Variants in PPP1R12C observed in about 807,000 individuals in gnomAD.
The protein encoded by PPP1R12C is leukocyte receptor cluster (LRC) encoded novel gene 3.
Under a neutral mutation model 95.6 loss-of-function variants are expected in PPP1R12C, and 48 were observed. That is an observed-to-expected ratio of 0.50 (90% CI 0.40 to 0.64). The LOEUF is 0.64. Among genes scored for constraint, PPP1R12C ranks in the 30% least tolerant of loss-of-function variants. The pLI, the probability that PPP1R12C is intolerant of heterozygous loss-of-function variation, is 0.00. For missense variants in PPP1R12C, 1,057 were observed against 1,083.3 expected, an observed-to-expected ratio of 0.98 and a Z score of 0.34; for synonymous variants, 480 against 460.8, an observed-to-expected ratio of 1.04 and a Z score of -0.53.
intron 3 of PPP1R12C, among the ~76,000 whole-genome samples, chr19:55,103,811 C>G (rs1207524972): frequency 1.3e-5 from 2 of 151,912 alleles, no homozygotes; most frequent in Non-Finnish European, 2.9e-5. Context: ...GATCACAGGC[C>G]TTTCCCCATT....
intron 15 of PPP1R12C, 48 bp from the exon 16 acceptor site, chr19:55,092,916 CGGTGCCTG>C (rs753023382): frequency 6.3e-7 from 1 of 1,594,334 alleles, no homozygotes; most frequent in South Asian, 1.1e-5. Context: ...AGCCCCCTCT[CGGTGCCTG>C]GGTCCCCGGG....
At chr19:55,098,686 G>A in intron 6 of PPP1R12C, 98 bp downstream of exon 6, 2 of 1,432,776 alleles carry the variant, frequency 1.4e-6, no homozygotes, top group Non-Finnish European at 1.9e-6. Flanking sequence ...TGGGGTGGTG[G>A]GTGTCAGAAG....
intron 6 of PPP1R12C, chr19:55,096,710 C>T: frequency 2.6e-6 from 1 of 387,346 alleles, no homozygotes; most frequent in Non-Finnish European, 4.9e-6. Context: ...CCGGCACTCG[C>T]CTCCTCCTTC....
At chr19:55,106,817 G>A (rs987375370) in intron 3 of PPP1R12C, among the ~76,000 whole-genome samples, 3 of 152,200 alleles carry the variant, frequency 2.0e-5, no homozygotes, top group Non-Finnish European at 4.4e-5. Flanking sequence ...GCTCCAGGGT[G>A]CGCACATCAC....
At position 55,117,582 on chromosome 19, in the gene PPP1R12C, G is replaced by A. The variant is rs1431554157; in HGVS notation, c.-39C>T. 1.0e-5 allele frequency: 10 copies of A among 983,682 alleles called. No homozygotes were observed. The South Asian group carries it at 2.7e-4, about 27-fold the overall frequency. The allele number at this position is 983,682 out of a possible 1,614,324, so 60.9% of individuals were successfully genotyped here. A position where few individuals can be genotyped will look rare whatever the true frequency, so the allele number is the denominator to read the frequency against. ...CGCCCAGCGAGCGAGCGAGCGCCGAGCCCCAACCGCCGCCACCACCCGCCC... is the reference window on the plus strand; with the variant it reads ...CGCCCAGCGAGCGAGCGAGCGCCGAACCCCAACCGCCGCCACCACCCGCCC... On this transcript the variant is annotated 5_prime_UTR_variant, in exon 1 of 22. Coordinates refer to ENST00000263433, the MANE Select transcript of PPP1R12C (RefSeq NM_017607.4).
chr19:55,091,984 G>T, intron 19 of PPP1R12C, 75 bp from the exon 20 acceptor site: 2 of 1,563,184 alleles, frequency 1.3e-6, no homozygotes, highest in African/African-American at 1.4e-5. Flanking sequence ...GGCTCCTGCT[G>T]GGCACCCGCC....
In PPP1R12C at chr19:55,092,296, G is replaced by T. The variant is rs1306036735; in HGVS notation, c.2086C>A (p.Arg696=). ...GTCTCGGTCAGGGCCTCGCGAAGCC[G>T]CTCGTTCTCCCTGCGCAGCTCTGCA... The part of the protein sequence containing the change: ...LYAELRRENE[R]LREALTETTL... Residue 696 remains arginine (R), a synonymous_variant, in exon 19 of 22, where the codon CGG becomes AGG. Transcript: ENST00000263433. The T allele has an allele frequency of 6.2e-7, 1 of 1,600,802 alleles. No individual in the cohort carries two copies. Among genetic ancestry groups the T allele is most frequent in the East Asian group, 2.3e-5 (1 of 44,372 alleles).
rs1191466337 is a variant in PPP1R12C, at chr19:55,092,676, G to A, written c.1912-14C>T. 2 of 1,529,404 alleles carry A rather than the reference G, an allele frequency of 1.3e-6. No individual in the cohort carries two copies. Among genetic ancestry groups the A allele is most frequent in the African/African-American group, 1.4e-5 (1 of 73,072 alleles). 94.7% of individuals were successfully genotyped at this position (1,529,404 alleles called of 1,614,324 possible). A position where few individuals can be genotyped will look rare whatever the true frequency, so the allele number is the denominator to read the frequency against. ...CGCCTCCTCCCCCTGTGGGCAGGTA[G>A]ACGGGGGTTCAATGGGTATGGGAGG... On this transcript the variant is annotated splice_polypyrimidine_tract_variant and intron_variant, in intron 16 of 21. Coordinates refer to ENST00000263433, the MANE Select transcript of PPP1R12C (RefSeq NM_017607.4).
chr19:55,091,419 T>C lies in PPP1R12C; in HGVS notation c.*53A>G. The C allele has an allele frequency of 6.6e-7, 1 of 1,515,134 alleles. No homozygotes were observed. The highest frequency in any genetic ancestry group is 1.4e-5 in the African/African-American group (1 of 72,668). 93.9% of individuals were successfully genotyped at this position (1,515,134 alleles called of 1,614,324 possible). ...ACTCGTGTTCACACGGGGGAAGGGGTGCGTGTGGCAGAAGCAGCTGTATAA... is the reference window on the plus strand; with the variant it reads ...ACTCGTGTTCACACGGGGGAAGGGGCGCGTGTGGCAGAAGCAGCTGTATAA... On this transcript the variant is annotated 3_prime_UTR_variant, in exon 22 of 22. Coordinates refer to ENST00000263433, the MANE Select transcript of PPP1R12C (RefSeq NM_017607.4).
In PPP1R12C at chr19:55,095,617, G is replaced by A. The variant is rs73935105; in HGVS notation, c.1228-14C>T. ...CTCTTCAAGCTGCTGGGAGAAGGAG[G>A]AGGTCTCAGTTAGAGAGAAAGGATC... On this transcript the variant is annotated splice_polypyrimidine_tract_variant and intron_variant, in intron 9 of 21. Coordinates refer to ENST00000263433, the MANE Select transcript of PPP1R12C (RefSeq NM_017607.4). 1,607 of 1,545,408 alleles carry A rather than the reference G, an allele frequency of 1.0e-3. 13 individuals are homozygous for A. In the African/African-American group the frequency reaches 0.019, roughly 19 times the overall value.
rs76507214 is a variant in PPP1R12C, at chr19:55,092,800, A to C, written c.1894T>G (p.Trp632Gly). The C allele has an allele frequency of 2.6e-6, 4 of 1,548,296 alleles. No homozygotes were observed. Among genetic ancestry groups the C allele is most frequent in the Non-Finnish European group, 8.7e-7 (1 of 1,148,476 alleles). The change falls in exon 16 of 22, where the codon TGG (tryptophan) becomes GGG (glycine). Residue 632 changes from tryptophan (W) to glycine (G), a missense_variant. Trp to Gly is a radical substitution (Grantham distance 184). This residue lies in a region of PPP1R12C where 347 missense variants were observed against 307.9 expected (regional missense o/e 1.13). Transcript: ENST00000263433. ...CCCCTCACCTCCGCAGGCCCCCTCC[A>C]CTCCTTTCCGACCTTGCGGTGCTCC... The part of the protein sequence containing the change: ...AREHRKVGKE[W>G]RGPAEGEEAE...
In PPP1R12C at chr19:55,096,267, G is replaced by A; in HGVS notation, c.1020C>T (p.His340=). Residue 340 remains histidine (H), a synonymous_variant, in exon 7 of 22, where the codon CAC becomes CAT. Coordinates refer to ENST00000263433, the MANE Select transcript of PPP1R12C (RefSeq NM_017607.4). ...GGACTCCTCCCTCCCTATACCTTCT[G>A]TGTTTGCTGCTAGAGGGCGCTTGGG... ...QEPQAPSSSK[H]RRSSVCRLSS... 1 of 1,613,914 alleles carries A rather than the reference G, an allele frequency of 6.2e-7. No individual in the cohort carries two copies. The highest frequency in any genetic ancestry group is 1.1e-5 in the South Asian group (1 of 91,088).
chr19:55,096,125 G>C lies in PPP1R12C; in HGVS notation c.1079C>G (p.Ser360Cys). The C allele has an allele frequency of 6.3e-7, 1 of 1,599,108 alleles. No homozygotes were observed. Among genetic ancestry groups the C allele is most frequent in the Non-Finnish European group, 8.5e-7 (1 of 1,173,988 alleles). The part of the protein sequence containing the change: ...SREKISLQDL[S>C]KERRPGGAGG... ...AGCCCCACCAGGCCGGCGCTCCTTGGACAAGTCCTGGAGGGAAATCTTCTC... is the reference window on the plus strand; with the variant it reads ...AGCCCCACCAGGCCGGCGCTCCTTGCACAAGTCCTGGAGGGAAATCTTCTC... The change falls in exon 8 of 22, where the codon TCC becomes TGC. Residue 360 changes from serine to cysteine, a missense_variant. This residue lies in a region of PPP1R12C where 356 missense variants were observed against 330.5 expected (regional missense o/e 1.08). Transcript: ENST00000263433.
intron 6 of PPP1R12C, among the ~76,000 whole-genome samples, 190 bp downstream of exon 6, chr19:55,098,594 C>T (rs1483577169): frequency 2.6e-5 from 4 of 152,252 alleles, no homozygotes; most frequent in Non-Finnish European, 4.4e-5. Context: ...CTCTGCAGCC[C>T]CATCTCTGTC....
At chr19:55,111,404 T>C (rs1199690049) in intron 3 of PPP1R12C, 7 of 152,170 alleles carry the variant, frequency 4.6e-5, no homozygotes, top group African/African-American at 1.7e-4. Context: ...CACATGCTAT[T>C]GCTTCAACTT....
intron 1 of PPP1R12C, chr19:55,113,882 T>A (rs1162822434): frequency 1.2e-5 from 2 of 169,862 alleles, no homozygotes; most frequent in Non-Finnish European, 2.5e-5. Flanking sequence ...AGTACAGGCA[T>A]CCCTGTGAAA....
chr19:55,098,525 G>C (rs2084947036), intron 6 of PPP1R12C, among the ~76,000 whole-genome samples: 1 of 152,238 alleles, frequency 6.6e-6, no homozygotes, highest in African/African-American at 2.4e-5. Flanking sequence ...ACCTCATCAG[G>C]GTGTCAGACA....
chr19:55,112,128 C>T (rs993346152), intron 3 of PPP1R12C: 3 of 229,792 alleles, frequency 1.3e-5, no homozygotes, highest in South Asian at 2.3e-4. Context: ...GAAAGACCTG[C>T]GGCAGGGTTC....
chr19:55,096,070 C>A lies in PPP1R12C; in HGVS notation c.1134G>T (p.Glu378Asp), dbSNP rs1469048916. The change falls in exon 8 of 22, where the codon GAG becomes GAT. Residue 378 changes from glutamate to aspartate, a missense_variant. Glu to Asp is a conservative substitution (Grantham distance 45). Transcript: ENST00000263433. ...AGGPPIQDED[E>D]GEEGPTEPPP... ...CCTCACCGGTGGGACCTTCTTCCCC[C>A]TCATCCTCGTCCTGGATGGGGGGCC... 6.2e-7 allele frequency: 1 copy of A among 1,609,876 alleles called. No individual in the cohort carries two copies. Among genetic ancestry groups the A allele is most frequent in the East Asian group, 2.2e-5 (1 of 44,860 alleles).
Sources: gnomAD v4.1 joint callset for allele counts (sites outside exome capture counted in the v4.1 genomes callset) on GRCh38, gnomAD v4.1.1 for gene constraint, gnomAD v4.1.1 regional missense constraint, MANE v1.5 for transcripts, NCBI Gene and HGNC (gene_info 2026-07-23, HGNC 2026-07-21) for gene names.